Variants in TNFRSF11B observed in about 807,000 individuals in gnomAD.
TNFRSF11B encodes the protein TNF receptor superfamily member 11b, also known as tumor necrosis factor receptor superfamily member 11B.
A neutral mutation model predicts 43.4 loss-of-function variants in TNFRSF11B; 16 were observed. That is an observed-to-expected ratio of 0.37 (90% CI 0.25 to 0.56). The LOEUF (loss-of-function observed/expected upper bound fraction) is 0.56. Among genes scored for constraint, TNFRSF11B ranks in the 20% least tolerant of loss-of-function variants. The pLI, the probability that TNFRSF11B is intolerant of heterozygous loss-of-function variation, is 0.80. For missense variants in TNFRSF11B, 444 were observed against 490.1 expected (o/e 0.91, Z 0.89); for synonymous variants, 185 against 181.8 (o/e 1.02, Z -0.14).
chr8:118,946,884 A>G (rs1324325437), intron 1 of TNFRSF11B, among the ~76,000 whole-genome samples: 1 of 152,156 alleles, frequency 6.6e-6, no homozygotes, highest in Non-Finnish European at 1.5e-5. Flanking sequence ...TCAAACCAAA[A>G]ATGAACACTT....
At chr8:118,925,811 T>C (rs1812238218) in intron 4 of TNFRSF11B, among the ~76,000 whole-genome samples, 1 of 152,218 alleles carries the variant, frequency 6.6e-6, no homozygotes, top group South Asian at 2.1e-4. Flanking sequence ...CCACACTGGA[T>C]GAAACTCCTT....
Position 118,933,178 on chromosome 8 carries a change from T to G in TNFRSF11B, c.153A>C (p.Lys51Asn). ...CDKCPPGTYL[K>N]QHCTAKWKTV... ...TCTTCCACTTTGCTGTACAGTGTTG[T>G]TTTAGGTAGGTACCAGGAGGACATT... Residue 51 changes from lysine (K) to asparagine (N), a missense_variant, in exon 2 of 5, where the codon AAA (lysine) becomes AAC (asparagine). Transcript: ENST00000297350. The G allele has an allele frequency of 6.2e-7, 1 of 1,614,146 alleles. No homozygotes were observed. The highest frequency in any genetic ancestry group is 2.2e-5 in the East Asian group (1 of 44,872).
At chr8:118,947,494 T>C (rs1488905558) in intron 1 of TNFRSF11B, among the ~76,000 whole-genome samples, 1 of 152,178 alleles carries the variant, frequency 6.6e-6, no homozygotes, top group Non-Finnish European at 1.5e-5. Flanking sequence ...TGTGGGGGCA[T>C]TTCTCTGGTC....
intron 3 of TNFRSF11B, 89 bp from the exon 4 acceptor site, chr8:118,926,807 A>G (rs757066664): frequency 1.3e-5 from 16 of 1,212,518 alleles, no homozygotes; most frequent in Non-Finnish European, 1.9e-5. Context: ...AAAAACCAAC[A>G]CAATTGAATT....
At chr8:118,928,552 G>T (rs1013596227) in intron 3 of TNFRSF11B, among the ~76,000 whole-genome samples, 186 bp downstream of exon 3, 1 of 152,182 alleles carries the variant, frequency 6.6e-6, no homozygotes, top group Non-Finnish European at 1.5e-5. Context: ...GTGAGAAGAT[G>T]AGTTTTTGAG....
At chr8:118,948,648 G>A (rs1812599660) in intron 1 of TNFRSF11B, among the ~76,000 whole-genome samples, 1 of 152,142 alleles carries the variant, frequency 6.6e-6, no homozygotes, top group African/African-American at 2.4e-5. Flanking sequence ...AAATTGTGCT[G>A]GAGGTTGCTA....
intron 2 of TNFRSF11B, among the ~76,000 whole-genome samples, chr8:118,931,802 G>C (rs944454912): frequency 1.3e-5 from 2 of 152,230 alleles, no homozygotes; most frequent in African/African-American, 4.8e-5. Flanking sequence ...TTTAGACTTT[G>C]TATATCACAA....
intron 1 of TNFRSF11B, among the ~76,000 whole-genome samples, chr8:118,941,810 G>A (rs1195684336): frequency 2.6e-5 from 4 of 152,120 alleles, no homozygotes; most frequent in Admixed American, 1.3e-4. Flanking sequence ...GAAGATATAC[G>A]GAAATTGCAC....
chr8:118,943,179 A>G (rs1333877825), intron 1 of TNFRSF11B, among the ~76,000 whole-genome samples: 1 of 152,108 alleles, frequency 6.6e-6, no homozygotes, highest in Non-Finnish European at 1.5e-5. Context: ...TATGTTACTC[A>G]TCATACACTT....
intron 1 of TNFRSF11B, among the ~76,000 whole-genome samples, chr8:118,950,581 G>A (rs1812627909): frequency 1.3e-5 from 2 of 152,192 alleles, no homozygotes; most frequent in African/African-American, 4.8e-5. Context: ...TGCTCACTTA[G>A]AAAAACTGCA....
intron 1 of TNFRSF11B, among the ~76,000 whole-genome samples, chr8:118,935,237 A>C (rs552614620): frequency 6.6e-6 from 1 of 152,256 alleles, no homozygotes; most frequent in African/African-American, 2.4e-5. Flanking sequence ...TTGACACTAG[A>C]TTACAGAAAT....
At chr8:118,930,590 T>A in intron 2 of TNFRSF11B, 1 of 274,708 alleles carries the variant, frequency 3.6e-6, no homozygotes, top group Non-Finnish European at 7.6e-6. Flanking sequence ...TTTTGTATTT[T>A]TAGTAGAGGC....
Position 118,924,708 on chromosome 8 carries a change from G to A in TNFRSF11B, c.872C>T (p.Thr291Ile). The A allele has an allele frequency of 3.7e-6, 6 of 1,614,210 alleles. No homozygotes were observed. Among genetic ancestry groups the A allele is most frequent in the Non-Finnish European group, 5.1e-6 (6 of 1,180,036 alleles). ...CATCAAGCTACGAAGCTGCTCGAAG[G>A]TGAGGTTAGCATGTCCAATGTGCCG... ...VQRHIGHANL[T>I]FEQLRSLMES... Residue 291 changes from threonine to isoleucine, a missense_variant, in exon 5 of 5, where the codon ACC (threonine) becomes ATC (isoleucine). Physicochemically the swap from Thr to Ile is moderately conservative, Grantham distance 89. Coordinates refer to ENST00000297350, the MANE Select transcript of TNFRSF11B (RefSeq NM_002546.4).
intron 2 of TNFRSF11B, among the ~76,000 whole-genome samples, chr8:118,929,581 CAG>C (rs1812296923): frequency 6.6e-6 from 1 of 152,200 alleles, no homozygotes. Context: ...TTTAAAACAG[CAG>C]AGTCGTTAAA....
At chr8:118,938,297 T>C (rs1283596125) in intron 1 of TNFRSF11B, among the ~76,000 whole-genome samples, 1 of 152,104 alleles carries the variant, frequency 6.6e-6, no homozygotes, top group Non-Finnish European at 1.5e-5. Flanking sequence ...GTCTATTTCA[T>C]TCAAGCATAC....
chr8:118,927,186 A>G (rs1221621461), intron 3 of TNFRSF11B, among the ~76,000 whole-genome samples: 1 of 152,228 alleles, frequency 6.6e-6, no homozygotes, highest in Non-Finnish European at 1.5e-5. Flanking sequence ...TTTGGAAACA[A>G]AGCAAGAGAT....
At chr8:118,937,865 G>A (rs1184926436) in intron 1 of TNFRSF11B, among the ~76,000 whole-genome samples, 3 of 152,162 alleles carry the variant, frequency 2.0e-5, no homozygotes, top group African/African-American at 4.8e-5. Flanking sequence ...GGCAGCATGA[G>A]ACTTAGCAAA....
At chr8:118,931,495 AC>A (rs1244869175) in intron 2 of TNFRSF11B, among the ~76,000 whole-genome samples, 1 of 152,174 alleles carries the variant, frequency 6.6e-6, no homozygotes, top group Non-Finnish European at 1.5e-5. Flanking sequence ...TATACAACTT[AC>A]TGAATGAATT....
chr8:118,926,869 G>T (rs1563688410), intron 3 of TNFRSF11B, 151 bp from the exon 4 acceptor site: 3 of 849,612 alleles, frequency 3.5e-6, no homozygotes, highest in Middle Eastern at 3.3e-4. Context: ...TCAAGCTTCT[G>T]TTGGCTGGTC....
Sources: gnomAD v4.1 joint callset for allele counts (sites outside exome capture counted in the v4.1 genomes callset) on GRCh38, gnomAD v4.1.1 for gene constraint, MANE v1.5 for transcripts, NCBI Gene and HGNC (gene_info 2026-07-23, HGNC 2026-07-21) for gene names.